Variants in SPECC1L observed in about 807,000 individuals in gnomAD.
SPECC1L encodes the protein cytospin-A.
A neutral mutation model predicts 116.8 loss-of-function variants in SPECC1L; 40 were observed. That is an observed-to-expected ratio of 0.34 (90% confidence interval 0.27 to 0.45). The LOEUF is 0.45. SPECC1L is among the 20% of genes least tolerant of loss of function. The probability of loss-of-function intolerance (pLI) is 1.00; values close to 1 mark genes in which losing one functional copy is unlikely to be tolerated. For missense variants in SPECC1L, 1,110 were observed against 1,373.6 expected (o/e 0.81, Z 3.03); for synonymous variants, 504 against 500.6 (o/e 1.01, Z -0.09).
At chr22:24,277,925 G>A (rs1432931371) in intron 2 of SPECC1L, among the ~76,000 whole-genome samples, 2 of 152,224 alleles carry the variant, frequency 1.3e-5, no homozygotes, top group Non-Finnish European at 1.5e-5. Context: ...TTGCTGGGTC[G>A]TGTAGTAGCT....
At chr22:24,328,722 T>C (rs557070600) in intron 6 of SPECC1L, 124 bp from the exon 7 acceptor site, 9 of 666,080 alleles carry the variant, frequency 1.4e-5, no homozygotes, top group Non-Finnish European at 1.6e-5. Flanking sequence ...TGTATTAAAA[T>C]TTTTTATAGT....
intron 14 of SPECC1L, among the ~76,000 whole-genome samples, chr22:24,395,283 C>T (rs2042345435): frequency 6.6e-6 from 1 of 152,156 alleles, no homozygotes; most frequent in Admixed American, 6.5e-5. Flanking sequence ...GTCTGTACTT[C>T]ATTTTGAGTT....
At chr22:24,369,866 A>C (rs928347826) in intron 14 of SPECC1L, among the ~76,000 whole-genome samples, 3 of 152,234 alleles carry the variant, frequency 2.0e-5, no homozygotes, top group African/African-American at 7.2e-5. Context: ...AGCAGACTCT[A>C]ATTCTCCATA....
At chr22:24,285,637 T>TG (rs369226596) in intron 2 of SPECC1L, among the ~76,000 whole-genome samples, 231 of 151,828 alleles carry the variant, frequency 1.5e-3, no homozygotes, top group African/African-American at 5.3e-3. Flanking sequence ...TGTTTTTTTT[T>TG]TTGTTGTTTT....
At chr22:24,377,513 A>C (rs1160746091) in intron 14 of SPECC1L, among the ~76,000 whole-genome samples, 1 of 151,968 alleles carries the variant, frequency 6.6e-6, no homozygotes, top group African/African-American at 2.4e-5. Context: ...CCTACTACCA[A>C]AGTGTTTTTG....
At chr22:24,275,959 C>T (rs1342384828) in intron 1 of SPECC1L, among the ~76,000 whole-genome samples, 2 of 152,142 alleles carry the variant, frequency 1.3e-5, no homozygotes, top group South Asian at 2.1e-4. Context: ...GCAAACCTCC[C>T]GCCTTGGCCA....
chr22:24,400,375 T>G (rs545369596), intron 14 of SPECC1L, among the ~76,000 whole-genome samples: 1 of 152,370 alleles, frequency 6.6e-6, no homozygotes, highest in East Asian at 1.9e-4. Flanking sequence ...CAATACTTAC[T>G]CATATTGTGG....
At chr22:24,370,685 G>A (rs968631995) in intron 14 of SPECC1L, among the ~76,000 whole-genome samples, 2 of 152,294 alleles carry the variant, frequency 1.3e-5, no homozygotes, top group East Asian at 1.9e-4. Flanking sequence ...AGTGTCTGTC[G>A]ATAGAAGAAT....
At chr22:24,327,381 CAG>C (rs1158454160) in intron 6 of SPECC1L, among the ~76,000 whole-genome samples, 1 of 146,900 alleles carries the variant, frequency 6.8e-6, no homozygotes, top group Non-Finnish European at 1.5e-5. Flanking sequence ...TCTAGTGGAA[CAG>C]GGGTAAAGAA....
At chr22:24,328,785 T>C (rs1282662100) in intron 6 of SPECC1L, 61 bp from the exon 7 acceptor site, 1 of 1,335,404 alleles carries the variant, frequency 7.5e-7, no homozygotes, top group African/African-American at 1.5e-5. Flanking sequence ...CCCTTTTCTT[T>C]GTATTATTAC....
chr22:24,411,133 G>C (rs758659535), intron 14 of SPECC1L, among the ~76,000 whole-genome samples: 7 of 152,058 alleles, frequency 4.6e-5, no homozygotes, highest in Non-Finnish European at 8.8e-5. Flanking sequence ...AGGTTGTAGT[G>C]AGCCGAGATC....
chr22:24,302,381 AAAGGT>A lies in SPECC1L; in HGVS notation c.152_153+3del. On this transcript the variant is annotated splice_donor_variant and coding_sequence_variant, in exon 3 of 17. Coordinates refer to ENST00000314328, the MANE Select transcript of SPECC1L (RefSeq NM_015330.6). LOFTEE classifies it high-confidence loss of function. Reference sequence around the variant, plus strand: ...AACCTGGAACAGCAGCATCATTGTCAAAGGTATTCATGTGATGTTTGAATACATGA... The same window carrying A: ...AACCTGGAACAGCAGCATCATTGTCAATTCATGTGATGTTTGAATACATGA... The A allele has an allele frequency of 6.2e-7, 1 of 1,614,120 alleles. No homozygotes were observed. Among genetic ancestry groups the A allele is most frequent in the Non-Finnish European group, 8.5e-7 (1 of 1,180,012 alleles).
At chr22:24,404,089 T>C (rs2042534865) in intron 14 of SPECC1L, among the ~76,000 whole-genome samples, 1 of 152,234 alleles carries the variant, frequency 6.6e-6, no homozygotes, top group African/African-American at 2.4e-5. Context: ...CACTGCTGCA[T>C]TGACCACTCT....
chr22:24,328,769 A>G lies in SPECC1L; in HGVS notation c.2147-77A>G, dbSNP rs1343136448. Reference sequence around the variant, plus strand: ...ATAACTTTTTTCGAATGTCATATTTAAGTATCCCTTTTCTTTGTATTATTA... The same window carrying G: ...ATAACTTTTTTCGAATGTCATATTTGAGTATCCCTTTTCTTTGTATTATTA... On this transcript the variant is annotated intron_variant, in intron 6 of 16. Transcript: ENST00000314328. 3.5e-6 allele frequency: 4 copies of G among 1,136,910 alleles called. No individual in the cohort carries two copies. The African/African-American group carries it at 4.6e-5, about 13-fold the overall frequency. 70.4% of individuals were successfully genotyped at this position (1,136,910 alleles called of 1,614,324 possible). A position where few individuals can be genotyped will look rare whatever the true frequency, so the allele number is the denominator to read the frequency against.
chr22:24,350,384 T>C (rs1412905884), intron 11 of SPECC1L, among the ~76,000 whole-genome samples: 1 of 152,204 alleles, frequency 6.6e-6, no homozygotes, highest in African/African-American at 2.4e-5. Context: ...CCTGTAGAAG[T>C]ACTGGACTCT....
intron 4 of SPECC1L, among the ~76,000 whole-genome samples, chr22:24,319,454 G>C (rs1393078316): frequency 6.6e-6 from 1 of 152,224 alleles, no homozygotes; most frequent in African/African-American, 2.4e-5. Flanking sequence ...AACACATAGG[G>C]ATTATGGGAA....
chr22:24,391,742 T>C (rs1263707728), intron 14 of SPECC1L, among the ~76,000 whole-genome samples: 2 of 152,234 alleles, frequency 1.3e-5, no homozygotes, highest in African/African-American at 4.8e-5. Flanking sequence ...GATGGGCTAC[T>C]GGCGGTGGGC....
rs62233114 is a variant in SPECC1L, at chr22:24,311,375, A to C, written c.154-1938A>C. Among the ~76,000 whole-genome samples the C allele has an allele frequency of 7.8e-3, 1,182 of 152,296 alleles. 8 individuals are homozygous for C. The highest frequency in any genetic ancestry group is 0.024 in the South Asian group (115 of 4,828). On this transcript the variant is annotated intron_variant, in intron 3 of 16. Coordinates refer to ENST00000314328, the MANE Select transcript of SPECC1L (RefSeq NM_015330.6). ...ACAAAAGAAGATTGAAAATATAAGA[A>C]TGTGTTGAGTTTACTTACTGGCTAT...
At chr22:24,384,761 A>C (rs563471664) in intron 14 of SPECC1L, among the ~76,000 whole-genome samples, 2 of 152,206 alleles carry the variant, frequency 1.3e-5, no homozygotes, top group Admixed American at 1.3e-4. Flanking sequence ...GATTTTGAAG[A>C]CTTTGAAGAC....
Sources: allele counts gnomAD v4.1 joint callset (sites outside exome capture counted in the v4.1 genomes callset), GRCh38; gene constraint gnomAD v4.1.1; transcripts MANE v1.5; gene names NCBI Gene and HGNC (gene_info 2026-07-23, HGNC 2026-07-21).